Variants in ACBD7 observed in about 807,000 individuals in gnomAD.
ACBD7 encodes the protein acyl-CoA-binding domain-containing protein 7.
ACBD7 carries 11 observed loss-of-function variants against 13.7 expected under a neutral mutation model. The observed-to-expected ratio is 0.80, with a 90% CI of 0.50 to 1.33. ACBD7 has a LOEUF of 1.33. ACBD7 is among the 40% of genes most tolerant of loss of function. The pLI is 0.00. For missense variants in ACBD7, 111 were observed against 103.0 expected, an observed-to-expected ratio of 1.08 and a Z score of -0.33; for synonymous variants, 43 against 37.7, an observed-to-expected ratio of 1.14 and a Z score of -0.51.
chr10:15,075,994 A>T lies in ACBD7; in HGVS notation c.*2536T>A. On this transcript the variant is annotated 3_prime_UTR_variant, in exon 4 of 4. Coordinates refer to ENST00000356189, the MANE Select transcript of ACBD7 (RefSeq NM_001039844.3). ...GTCTCAACAAAAAAAAAAAAAAAAA[A>T]AAAGAAAAGAAAAAGAATGTTATAT... is the stretch of plus-strand genomic sequence containing the variant. The T allele has an allele frequency of 1.5e-6, 1 of 657,432 alleles. No individual in the cohort carries two copies. The highest frequency in any genetic ancestry group is 1.9e-6 in the Non-Finnish European group (1 of 532,070). 40.7% of individuals were successfully genotyped at this position (657,432 alleles called of 1,614,324 possible).
Position 15,076,520 on chromosome 10 carries a change from T to C in ACBD7, c.*2010A>G. ...GACTTGTAATTTTTTTTTTTTTTTT[T>C]GAGACGGAGTCTTGTTTTGTCGCCC... On this transcript the variant is annotated 3_prime_UTR_variant, in exon 4 of 4. Transcript: ENST00000356189. The C allele has an allele frequency of 2.1e-6, 1 of 485,682 alleles. No individual in the cohort carries two copies. 30.1% of individuals were successfully genotyped at this position (485,682 alleles called of 1,614,324 possible). A position where few individuals can be genotyped will look rare whatever the true frequency, so the allele number is the denominator to read the frequency against.
chr10:15,087,499 G>A (rs776002827), intron 1 of ACBD7, among the ~76,000 whole-genome samples: 2 of 152,138 alleles, frequency 1.3e-5, no homozygotes, highest in East Asian at 1.9e-4. Flanking sequence ...TTTAGAGGCC[G>A]GGCGTGGTGG....
chr10:15,087,410 GGATAACGTCTTGCCT>G (rs1398778700), intron 1 of ACBD7, among the ~76,000 whole-genome samples: 1 of 152,210 alleles, frequency 6.6e-6, no homozygotes, highest in African/African-American at 2.4e-5. Context: ...ACTTTACGCA[GGATAACGTCTTGCCT>G]GACTGAAATG....
chr10:15,078,681 A>C lies in ACBD7; in HGVS notation c.193+10T>G. 6.2e-7 allele frequency: 1 copy of C among 1,614,052 alleles called. No individual in the cohort carries two copies. Among genetic ancestry groups the C allele is most frequent in the South Asian group, 1.1e-5 (1 of 91,062 alleles). On this transcript the variant is annotated intron_variant, in intron 3 of 3. Transcript: ENST00000356189. Reference sequence around the variant, plus strand: ...AAAGTTTGCTTTAAACTTGTGAAAGACTAAAAAACCTTTTTTGAGGTTCCA... The same window carrying C: ...AAAGTTTGCTTTAAACTTGTGAAAGCCTAAAAAACCTTTTTTGAGGTTCCA...
At position 15,088,742 on chromosome 10, in the gene ACBD7, G is replaced by A. The variant is rs756994356; in HGVS notation, c.-14C>T. On this transcript the variant is annotated 5_prime_UTR_variant, in exon 1 of 4. Transcript: ENST00000356189. ...CTGCAGGGCCATGGTGGCGGCTGCCGCGTTGTTGCTGCTGCTGTTGTCGTC... is the reference window on the plus strand; with the variant it reads ...CTGCAGGGCCATGGTGGCGGCTGCCACGTTGTTGCTGCTGCTGTTGTCGTC... 2.5e-6 allele frequency: 4 copies of A among 1,598,364 alleles called. No homozygotes were observed. Among genetic ancestry groups the A allele is most frequent in the South Asian group, 1.1e-5 (1 of 89,674 alleles).
At chr10:15,084,529 C>G (rs539052925) in intron 1 of ACBD7, among the ~76,000 whole-genome samples, 1 of 152,162 alleles carries the variant, frequency 6.6e-6, no homozygotes, top group African/African-American at 2.4e-5. Flanking sequence ...TTACTGAAAG[C>G]GAAAGTACAT....
rs1323010282 is a variant in ACBD7 at position 15,076,004 on chromosome 10, A to G, written c.*2526T>C. ...AAAAAAAAAAAAAAAAAAAGAAAAGAAAAAGAATGTTATATAAATGGAATT... is the reference window on the plus strand; with the variant it reads ...AAAAAAAAAAAAAAAAAAAGAAAAGGAAAAGAATGTTATATAAATGGAATT... On this transcript the variant is annotated 3_prime_UTR_variant, in exon 4 of 4. Transcript: ENST00000356189. The G allele has an allele frequency of 1.5e-6, 1 of 685,150 alleles. No homozygotes were observed. The allele number at this position is 685,150 out of a possible 1,614,324, so 42.4% of individuals were successfully genotyped here.
chr10:15,077,367 C>T lies in ACBD7; in HGVS notation c.*1163G>A, dbSNP rs562856464. 6.6e-6 allele frequency among the ~76,000 whole-genome samples: 1 copy of T among 151,732 alleles called. No individual in the cohort carries two copies. The highest frequency in any genetic ancestry group is 6.6e-5 in the Admixed American group (1 of 15,258). On this transcript the variant is annotated 3_prime_UTR_variant, in exon 4 of 4. Transcript: ENST00000356189. ...AAGAAAATAAAGATTTTTAAAGAAC[C>T]CTCAGAAACAAAAAAAAATACCACA...
Position 15,076,853 on chromosome 10 carries a change from T to C in ACBD7, c.*1677A>G. On this transcript the variant is annotated 3_prime_UTR_variant, in exon 4 of 4. Coordinates refer to ENST00000356189, the MANE Select transcript of ACBD7 (RefSeq NM_001039844.3). The stretch of plus-strand genomic sequence containing the variant: ...TTTTATTTCACCAGTAACATTAACT[T>C]ATTGTAACAGAACAGATGAGCCAAA... The C allele has an allele frequency of 2.0e-6, 2 of 985,420 alleles. No individual in the cohort carries two copies. The highest frequency in any genetic ancestry group is 9.4e-5 in the South Asian group (2 of 21,290). The allele number at this position is 985,420 out of a possible 1,614,324, so 61.0% of individuals were successfully genotyped here.
At position 15,076,476 on chromosome 10, in the gene ACBD7, C is replaced by CT. The variant is rs1267932780; in HGVS notation, c.*2053dup. On this transcript the variant is annotated 3_prime_UTR_variant, in exon 4 of 4. Transcript: ENST00000356189. Reference sequence around the variant, plus strand: ...ATTCCTATGGGGGCTTTTTAAATTTCTTTAAACTGCTATGGACAGACTTGT... The same window carrying CT: ...ATTCCTATGGGGGCTTTTTAAATTTCTTTTAAACTGCTATGGACAGACTTGT... 1 of 935,162 alleles carries CT rather than the reference C, an allele frequency of 1.1e-6. No homozygotes were observed. Among genetic ancestry groups the CT allele is most frequent in the East Asian group, 1.2e-4 (1 of 8,524 alleles). 57.9% of individuals were successfully genotyped at this position (935,162 alleles called of 1,614,324 possible).
rs1284431864 is a variant in ACBD7 at position 15,077,275 on chromosome 10, C to G, written c.*1255G>C. Among the ~76,000 whole-genome samples, 1 of 152,030 alleles carries G rather than the reference C, an allele frequency of 6.6e-6. No homozygotes were observed. The highest frequency in any genetic ancestry group is 1.5e-5 in the Non-Finnish European group (1 of 68,006). The stretch of plus-strand genomic sequence containing the variant: ...CAGCCATATAAAGAGAATGAAATTA[C>G]GGCTTTTGCAGCAACGTGGGTGGAA... On this transcript the variant is annotated 3_prime_UTR_variant, in exon 4 of 4. Transcript: ENST00000356189.
At chr10:15,081,426 T>G (rs1029168396) in intron 1 of ACBD7, among the ~76,000 whole-genome samples, 1 of 152,162 alleles carries the variant, frequency 6.6e-6, no homozygotes, top group Non-Finnish European at 1.5e-5. Context: ...CCATCCAGAT[T>G]AAGTAAATTT....
intron 1 of ACBD7, 124 bp downstream of exon 1, chr10:15,088,593 G>C (rs1844836379): frequency 1.5e-6 from 2 of 1,308,148 alleles, no homozygotes; most frequent in Non-Finnish European, 2.1e-6. Context: ...GCTGGGGAAG[G>C]AGTGGGCGTG....
In ACBD7 at chr10:15,077,573, T is replaced by G. The variant is rs998853853; in HGVS notation, c.*957A>C. 1.3e-5 allele frequency: 2 copies of G among 152,038 alleles called. No homozygotes were observed. The highest frequency in any genetic ancestry group is 4.8e-5 in the African/African-American group (2 of 41,388). 9.4% of individuals were successfully genotyped at this position (152,038 alleles called of 1,614,324 possible). A position where few individuals can be genotyped will look rare whatever the true frequency, so the allele number is the denominator to read the frequency against. ...AAGCCCAGATTTCCCCACTACACAA[T>G]ATATCCATGTAACAAAACTGCACCT... On this transcript the variant is annotated 3_prime_UTR_variant, in exon 4 of 4. Transcript: ENST00000356189.
intron 1 of ACBD7, among the ~76,000 whole-genome samples, chr10:15,081,671 G>A (rs1028941196): frequency 5.9e-5 from 9 of 152,144 alleles, no homozygotes; most frequent in African/African-American, 1.9e-4. Context: ...TCTGCATCTC[G>A]TTATTGAGCT....
intron 1 of ACBD7, among the ~76,000 whole-genome samples, chr10:15,086,531 A>C (rs548956181): frequency 6.6e-6 from 1 of 152,342 alleles, no homozygotes; most frequent in Non-Finnish European, 1.5e-5. Context: ...TTTTAGAAAG[A>C]ACATTTTGAT....
At chr10:15,087,722 G>C (rs1844825567) in intron 1 of ACBD7, among the ~76,000 whole-genome samples, 1 of 151,814 alleles carries the variant, frequency 6.6e-6, no homozygotes, top group Non-Finnish European at 1.5e-5. Flanking sequence ...AGGTTGCGGT[G>C]AGCTGAGATT....
rs1050575561 is a variant in ACBD7 at position 15,075,939 on chromosome 10, G to A, written c.*2591C>T. The A allele has an allele frequency of 3.6e-5, 10 of 275,040 alleles. No individual in the cohort carries two copies. Among genetic ancestry groups the A allele is most frequent in the African/African-American group, 9.7e-5 (4 of 41,166 alleles). 17.0% of individuals were successfully genotyped at this position (275,040 alleles called of 1,614,324 possible). ...CAGTGAGCCGAGAGCGTGCCACTGCGCTCCAGCCTGGGTAACAGAGTGACA... is the reference window on the plus strand; with the variant it reads ...CAGTGAGCCGAGAGCGTGCCACTGCACTCCAGCCTGGGTAACAGAGTGACA... On this transcript the variant is annotated 3_prime_UTR_variant, in exon 4 of 4. Transcript: ENST00000356189.
At chr10:15,079,975 T>C (rs1312456131) in intron 1 of ACBD7, among the ~76,000 whole-genome samples, 1 of 152,002 alleles carries the variant, frequency 6.6e-6, no homozygotes, top group Non-Finnish European at 1.5e-5. Flanking sequence ...AGTCCAACTT[T>C]ACTACATGCA....
Sources: gnomAD v4.1 joint callset for allele counts (sites outside exome capture counted in the v4.1 genomes callset) on GRCh38, gnomAD v4.1.1 for gene constraint, MANE v1.5 for transcripts, NCBI Gene and HGNC (gene_info 2026-07-23, HGNC 2026-07-21) for gene names.